Variants in CSN1S1 observed in about 807,000 individuals in gnomAD.
CSN1S1 encodes alpha-S1-casein.
A neutral mutation model predicts 49.1 loss-of-function variants in CSN1S1; 63 were observed. The ratio of observed to expected loss-of-function variants is 1.28; its 90% CI spans 1.05 to 1.58. CSN1S1 has a LOEUF of 1.58. CSN1S1 is among the 40% of genes most tolerant of loss of function. The pLI is 0.00. For missense variants in CSN1S1, 260 were observed against 224.7 expected, an observed-to-expected ratio of 1.16 and a Z score of -1.01; for synonymous variants, 78 against 67.1, an observed-to-expected ratio of 1.16 and a Z score of -0.79.
Position 69,932,589 on chromosome 4 carries a change from GTTGCTC to G in CSN1S1, c.39_44del (p.Leu14_Ala15del). On this transcript the variant is annotated inframe_deletion, in exon 2 of 16. Coordinates refer to ENST00000246891, the MANE Select transcript of CSN1S1 (RefSeq NM_001890.2). The stretch of plus-strand genomic sequence containing the variant: ...TCTCATTCTCACCTGTCTTGTGGCT[GTTGCTC>G]TTGCCAGGCCTGTAAGTTCAGTAGA... 1 of 1,601,936 alleles carries G rather than the reference GTTGCTC, an allele frequency of 6.2e-7. No individual in the cohort carries two copies. Among genetic ancestry groups the G allele is most frequent in the Non-Finnish European group, 8.5e-7 (1 of 1,173,008 alleles).
At chr4:69,940,689 G>A (rs142884202) in intron 11 of CSN1S1, among the ~76,000 whole-genome samples, 1 of 151,618 alleles carries the variant, frequency 6.6e-6, no homozygotes, top group East Asian at 1.9e-4. Flanking sequence ...ATATAATTTG[G>A]CCAAAGTTAA....
chr4:69,946,082 G>C (rs1023875520), intron 15 of CSN1S1, 114 bp from the exon 16 acceptor site: 2 of 348,098 alleles, frequency 5.7e-6, no homozygotes, highest in Non-Finnish European at 1.1e-5. Flanking sequence ...AAATAACATT[G>C]TGAGCTTGTC....
chr4:69,934,723 T>A lies in CSN1S1; in HGVS notation c.105+13T>A. On this transcript the variant is annotated intron_variant, in intron 4 of 15. Transcript: ENST00000246891. ...AGAGAGCAGTGAGGTAAGCTCTGTT[T>A]ATGGGGAGTCAGGATTCTCTCTTCC... The A allele has an allele frequency of 6.2e-7, 1 of 1,607,154 alleles. No individual in the cohort carries two copies. The highest frequency in any genetic ancestry group is 1.1e-5 in the South Asian group (1 of 90,670).
chr4:69,943,326 C>T (rs80127200), intron 14 of CSN1S1, among the ~76,000 whole-genome samples: 5 of 151,526 alleles, frequency 3.3e-5, no homozygotes, highest in South Asian at 2.1e-4. Flanking sequence ...GTGGGATTAC[C>T]GGCAAGCATC....
intron 9 of CSN1S1, among the ~76,000 whole-genome samples, chr4:69,938,665 A>C (rs1338453023): frequency 3.3e-5 from 5 of 151,742 alleles, no homozygotes; most frequent in Admixed American, 3.3e-4. Flanking sequence ...TATAAACATA[A>C]ATGACTTTGA....
At chr4:69,937,199 A>G (rs1380642672) in intron 8 of CSN1S1, 55 bp downstream of exon 8, 4 of 1,165,094 alleles carry the variant, frequency 3.4e-6, no homozygotes, top group Non-Finnish European at 3.6e-6. Flanking sequence ...GAAACAATAC[A>G]TATTTCCCCA....
chr4:69,942,327 A>G (rs1490275964), intron 13 of CSN1S1, among the ~76,000 whole-genome samples: 2 of 152,000 alleles, frequency 1.3e-5, no homozygotes, highest in East Asian at 3.9e-4. Context: ...TTATTTTTCC[A>G]AACTATAGTG....
intron 14 of CSN1S1, among the ~76,000 whole-genome samples, chr4:69,943,036 T>C (rs1031655254): frequency 6.6e-6 from 1 of 150,780 alleles, no homozygotes; most frequent in Non-Finnish European, 1.5e-5. Context: ...ACATCAAATT[T>C]TACCCTCAGT....
chr4:69,935,626 A>G (rs959313824), intron 4 of CSN1S1, among the ~76,000 whole-genome samples: 1 of 152,098 alleles, frequency 6.6e-6, no homozygotes, highest in Non-Finnish European at 1.5e-5. Flanking sequence ...CAGAAAGAAT[A>G]TAAAAACAAG....
At chr4:69,945,860 T>G (rs528419626) in intron 15 of CSN1S1, among the ~76,000 whole-genome samples, 1 of 152,108 alleles carries the variant, frequency 6.6e-6, no homozygotes, top group East Asian at 1.9e-4. Context: ...TTTGTGTGTG[T>G]GTGTTTCCTT....
chr4:69,936,728 C>G, intron 7 of CSN1S1, 121 bp downstream of exon 7: 2 of 870,720 alleles, frequency 2.3e-6, no homozygotes, highest in Non-Finnish European at 3.5e-6. Flanking sequence ...GAACTTTTCA[C>G]TCATACATTT....
intron 2 of CSN1S1, 55 bp downstream of exon 2, chr4:69,932,661 C>G: frequency 1.4e-6 from 2 of 1,425,892 alleles, no homozygotes; most frequent in Non-Finnish European, 1.9e-6. Context: ...AATGACCTGA[C>G]ACTTCATCAA....
chr4:69,939,221 G>T lies in CSN1S1; in HGVS notation c.276+13G>T. 1.3e-6 allele frequency: 2 copies of T among 1,581,276 alleles called. No individual in the cohort carries two copies. The highest frequency in any genetic ancestry group is 1.1e-5 in the South Asian group (1 of 87,946). ...TTCATCGAGTGAGGTAAATAATTTT[G>T]ATATTAATTCTGTGTCCCAACTAAT... On this transcript the variant is annotated intron_variant, in intron 10 of 15. Coordinates refer to ENST00000246891, the MANE Select transcript of CSN1S1 (RefSeq NM_001890.2).
chr4:69,932,669 C>G (rs1722646199), intron 2 of CSN1S1, 63 bp downstream of exon 2: 1 of 1,355,896 alleles, frequency 7.4e-7, no homozygotes, highest in Admixed American at 1.9e-5. Context: ...GACACTTCAT[C>G]AAACATAGGA....
At position 69,933,470 on chromosome 4, in the gene CSN1S1, G is replaced by C. The variant is rs560810968; in HGVS notation, c.52-742G>C. Among the ~76,000 whole-genome samples, 9 of 152,046 alleles carry C rather than the reference G, an allele frequency of 5.9e-5. No homozygotes were observed. The East Asian group carries it at 9.7e-4, about 16-fold the overall frequency. On this transcript the variant is annotated intron_variant, in intron 2 of 15. Coordinates refer to ENST00000246891, the MANE Select transcript of CSN1S1 (RefSeq NM_001890.2). ...TTTGGAAAGTGCAGAATCAGGAATT[G>C]TCAACTTCTGAACCAATAGTCTTTG...
rs9994675 is a variant in CSN1S1 at position 69,945,161 on chromosome 4, T to A, written c.557+157T>A. ...GTTCTGAAATGGAAAATTGATAATA[T>A]TTTGTGGGACCTGTGGCTAATATTA... On this transcript the variant is annotated intron_variant, in intron 15 of 15. Coordinates refer to ENST00000246891, the MANE Select transcript of CSN1S1 (RefSeq NM_001890.2). Among the ~76,000 whole-genome samples, 691 of 152,110 alleles carry A rather than the reference T, an allele frequency of 4.5e-3. 6 individuals carry two copies. The highest frequency in any genetic ancestry group is 0.016 in the African/African-American group (657 of 41,522).
Position 69,941,075 on chromosome 4 carries a change from AT to A in CSN1S1, c.342+17del. ...AACTTCAGCTGGTAATATTTTATTC[AT>A]TATAATACAAAATCATATTCTACTA... On this transcript the variant is annotated intron_variant, in intron 12 of 15. Coordinates refer to ENST00000246891, the MANE Select transcript of CSN1S1 (RefSeq NM_001890.2). 1 of 1,342,016 alleles carries A rather than the reference AT, an allele frequency of 7.5e-7. No individual in the cohort carries two copies. The allele number at this position is 1,342,016 out of a possible 1,614,324, so 83.1% of individuals were successfully genotyped here. A position where few individuals can be genotyped will look rare whatever the true frequency, so the allele number is the denominator to read the frequency against.
At chr4:69,936,116 C>T (rs974136303) in intron 5 of CSN1S1, among the ~76,000 whole-genome samples, 167 bp downstream of exon 5, 1 of 151,920 alleles carries the variant, frequency 6.6e-6, no homozygotes, top group Non-Finnish European at 1.5e-5. Flanking sequence ...ACTAGCCTTA[C>T]ACAAAGAAGG....
chr4:69,935,197 A>G (rs1489411289), intron 4 of CSN1S1, among the ~76,000 whole-genome samples: 1 of 152,092 alleles, frequency 6.6e-6, no homozygotes, highest in Non-Finnish European at 1.5e-5. Flanking sequence ...TATTCTTAAA[A>G]GAAGAAACAT....
Sources: gnomAD v4.1 joint callset for allele counts (sites outside exome capture counted in the v4.1 genomes callset) on GRCh38, gnomAD v4.1.1 for gene constraint, MANE v1.5 for transcripts, NCBI Gene and HGNC (gene_info 2026-07-23, HGNC 2026-07-21) for gene names.